ANK1: variants seen among roughly 807,000 people sequenced by gnomAD.
ANK1 encodes the protein ankyrin 1, also known as ankyrin-1.
A neutral mutation model predicts 210.4 loss-of-function variants in ANK1; 51 were observed. The ratio of observed to expected loss-of-function variants is 0.24; its 90% confidence interval spans 0.19 to 0.31. ANK1 has a LOEUF of 0.31. Among genes scored for constraint, ANK1 ranks in the 10% least tolerant of loss-of-function variants. The probability of loss-of-function intolerance (pLI) is 1.00; values close to 1 mark genes in which losing one functional copy is unlikely to be tolerated. For synonymous variants in ANK1, 967 were observed against 1,025.9 expected (o/e 0.94, Z 1.10); for missense variants, 2,051 against 2,504.4 (o/e 0.82, Z 3.86).
In ANK1 at chr8:41,653,996, C is replaced by A. The variant is rs1472761629; in HGVS notation, c.*1794G>T. On this transcript the variant is annotated 3_prime_UTR_variant, in exon 43 of 43. Transcript: ENST00000289734. ...AGCAGGGCCCCTCTCCGCTCACAGG[C>A]CCCGCGGCCAGGGGGCCTCTGACGT... The A allele has an allele frequency of 6.6e-6, 1 of 152,214 alleles. No individual in the cohort carries two copies. The highest frequency in any genetic ancestry group is 1.5e-5 in the Non-Finnish European group (1 of 68,042). 9.4% of individuals were successfully genotyped at this position (152,214 alleles called of 1,614,324 possible). A position where few individuals can be genotyped will look rare whatever the true frequency, so the allele number is the denominator to read the frequency against.
chr8:41,697,607 G>A (rs1213914525), intron 24 of ANK1: 7 of 334,624 alleles, frequency 2.1e-5, no homozygotes, highest in South Asian at 2.5e-5. Context: ...TCATGCGTCC[G>A]AGTCCACTCT....
At chr8:41,663,108 C>CTGTGTGTG (rs1161654196) in intron 40 of ANK1, among the ~76,000 whole-genome samples, 2 of 125,472 alleles carry the variant, frequency 1.6e-5, no homozygotes, top group African/African-American at 6.4e-5. Flanking sequence ...GTCTCTCTCT[C>CTGTGTGTG]TCTCTCTGTG....
intron 1 of ANK1, among the ~76,000 whole-genome samples, chr8:41,887,833 T>C (rs545604519): frequency 6.6e-5 from 10 of 152,376 alleles, no homozygotes; most frequent in Non-Finnish European, 1.3e-4. Flanking sequence ...TTTAAGCATG[T>C]TTTTGGTGAA....
intron 1 of ANK1, among the ~76,000 whole-genome samples, chr8:41,771,937 C>CG (rs1467463445): frequency 1.3e-5 from 2 of 152,172 alleles, no homozygotes; most frequent in African/African-American, 4.8e-5. Context: ...AAGCCTGCAG[C>CG]AAAGAATCCC....
chr8:41,705,095 G>A (rs939121228), intron 18 of ANK1, among the ~76,000 whole-genome samples: 1 of 152,232 alleles, frequency 6.6e-6, no homozygotes, highest in Non-Finnish European at 1.5e-5. Context: ...TGGGACATTC[G>A]CTCATGTGAG....
At chr8:41,889,432 G>A (rs1033423305) in intron 1 of ANK1, among the ~76,000 whole-genome samples, 2 of 152,190 alleles carry the variant, frequency 1.3e-5, no homozygotes, top group Non-Finnish European at 1.5e-5. Flanking sequence ...GTCAATGCTC[G>A]CCAATGGATG....
chr8:41,896,264 C>G (rs1481548831), intron 1 of ANK1: 25 of 1,432,330 alleles, frequency 1.7e-5, no homozygotes, highest in Non-Finnish European at 2.3e-5. Flanking sequence ...GGGCGCCGCG[C>G]CCCACCGCGT....
chr8:41,701,751 C>T lies in ANK1; in HGVS notation c.2389-129G>A, dbSNP rs1457137775. 29 of 1,014,956 alleles carry T rather than the reference C, an allele frequency of 2.9e-5. No homozygotes were observed. In the East Asian group the frequency reaches 5.9e-4, roughly 21 times the overall value. 62.9% of individuals were successfully genotyped at this position (1,014,956 alleles called of 1,614,324 possible). On this transcript the variant is annotated intron_variant, in intron 21 of 42. Transcript: ENST00000289734. ...AAGAAAAACAGACGGAGGAGGCGCT[C>T]AGCCTGGAAGCTGCCGGGCAGGAAC...
In ANK1 at chr8:41,733,952, C is replaced by T. The variant is rs766494215; in HGVS notation, c.228+19G>A. ...TTGAATTTTCAATGCAAAGCTCCCC[C>T]ACTCCCTGTGAGACATACCTTGGTT... On this transcript the variant is annotated intron_variant, in intron 3 of 42. Coordinates refer to ENST00000289734, the MANE Select transcript of ANK1 (RefSeq NM_000037.4). 4.4e-6 allele frequency: 7 copies of T among 1,608,410 alleles called. No individual in the cohort carries two copies. Among genetic ancestry groups the T allele is most frequent in the African/African-American group, 1.3e-5 (1 of 74,816 alleles).
chr8:41,767,700 G>A (rs1842153844), intron 1 of ANK1, among the ~76,000 whole-genome samples: 1 of 152,100 alleles, frequency 6.6e-6, no homozygotes, highest in Admixed American at 6.5e-5. Context: ...CCCAGCTGCA[G>A]GTGCCGGCCG....
At chr8:41,714,926 T>C (rs1028272988) in intron 15 of ANK1, 50 bp downstream of exon 15, 1 of 1,563,260 alleles carries the variant, frequency 6.4e-7, no homozygotes, top group Non-Finnish European at 8.8e-7. Flanking sequence ...CCATCCTCTG[T>C]CCTTGCCTCT....
At chr8:41,712,050 A>AAGTAGCTGGGATTACATCCC (rs1563522362) in intron 16 of ANK1, among the ~76,000 whole-genome samples, 2 of 151,740 alleles carry the variant, frequency 1.3e-5, no homozygotes, top group African/African-American at 2.4e-5. Context: ...TCAGCCTCCC[A>AAGTAGCTGGGATTACATCCC]AGTAGCTGGG....
At chr8:41,686,530 CTGAA>C (rs1024797582) in intron 35 of ANK1, among the ~76,000 whole-genome samples, 1 of 152,172 alleles carries the variant, frequency 6.6e-6, no homozygotes, top group Non-Finnish European at 1.5e-5. Context: ...TAAATAGGTC[CTGAA>C]TGAATGAATG....
chr8:41,891,061 G>T (rs144123249), intron 1 of ANK1, among the ~76,000 whole-genome samples: 2 of 152,266 alleles, frequency 1.3e-5, no homozygotes, highest in Non-Finnish European at 2.9e-5. Context: ...ATGGGGTGGG[G>T]GTAAGGAGGG....
At chr8:41,869,024 T>C (rs1287497706) in intron 1 of ANK1, among the ~76,000 whole-genome samples, 1 of 152,158 alleles carries the variant, frequency 6.6e-6, no homozygotes, top group African/African-American at 2.4e-5. Flanking sequence ...CAAGATTAAA[T>C]GGGATGAGGA....
chr8:41,704,547 T>C lies in ANK1; in HGVS notation c.2098-75A>G, dbSNP rs762274136. On this transcript the variant is annotated intron_variant, in intron 18 of 42. Coordinates refer to ENST00000289734, the MANE Select transcript of ANK1 (RefSeq NM_000037.4). The surrounding 1 kb of genome is among the most constrained non-coding windows in gnomAD (Gnocchi z 4.1). Reference sequence around the variant, plus strand: ...CACATGAAATCCTTCCCAAAGCAGCTGATTCAAAGAGAGAACGGACAGGGA... The same window carrying C: ...CACATGAAATCCTTCCCAAAGCAGCCGATTCAAAGAGAGAACGGACAGGGA... 3 of 1,328,492 alleles carry C rather than the reference T, an allele frequency of 2.3e-6. No homozygotes were observed. The highest frequency in any genetic ancestry group is 3.3e-6 in the Non-Finnish European group (3 of 922,368). The allele number at this position is 1,328,492 out of a possible 1,614,324, so 82.3% of individuals were successfully genotyped here.
chr8:41,696,376 C>A lies in ANK1; in HGVS notation c.2947G>T (p.Ala983Ser), dbSNP rs113676296. 101 of 1,613,176 alleles carry A rather than the reference C, an allele frequency of 6.3e-5. No individual in the cohort carries two copies. The highest frequency in any genetic ancestry group is 7.6e-5 in the Non-Finnish European group (90 of 1,179,918). ...GCGCAAGCTCACCTCAGGAACTGTG[C>A]CCCCGTGGGCCCCAGTGCTATGATC... ...SRIIALGPTG[A>S]QFLSPVIVEI... The change falls in exon 26 of 43, where the codon GCA (alanine) becomes TCA (serine). Residue 983 changes from alanine to serine, a missense_variant. Transcript: ENST00000289734.
intron 2 of ANK1, among the ~76,000 whole-genome samples, chr8:41,751,774 C>T (rs545722591): frequency 6.6e-6 from 1 of 152,288 alleles, no homozygotes; most frequent in African/African-American, 2.4e-5. Flanking sequence ...TGCTCTGAGT[C>T]TATCCTCCAC....
rs535908469 is a variant in ANK1, at chr8:41,761,627, C to T, written c.28-3490G>A. On this transcript the variant is annotated intron_variant, in intron 1 of 42. Coordinates refer to ENST00000289734, the MANE Select transcript of ANK1 (RefSeq NM_000037.4). ...TAGTGTCAAGCCACTAAGTGTGTGG[C>T]GATTTGTTACAGCAACCATGGGAAA... is the stretch of plus-strand genomic sequence containing the variant. Among the ~76,000 whole-genome samples the T allele has an allele frequency of 8.5e-5, 13 of 152,252 alleles. 2 individuals carry two copies. The highest frequency in any genetic ancestry group is 2.6e-4 in the Admixed American group (4 of 15,304).
Sources: allele counts gnomAD v4.1 joint callset (sites outside exome capture counted in the v4.1 genomes callset), GRCh38; gene constraint gnomAD v4.1.1; non-coding constraint Gnocchi (gnomAD v3.1); transcripts MANE v1.5; gene names NCBI Gene and HGNC (gene_info 2026-07-23, HGNC 2026-07-21).